Variants in OPCML observed in about 807,000 individuals in gnomAD.
OPCML encodes opioid binding protein/cell adhesion molecule like.
OPCML carries 13 observed loss-of-function variants against 37.8 expected under a neutral mutation model. The ratio of observed to expected loss-of-function variants is 0.34; its 90% CI spans 0.22 to 0.55. OPCML has a LOEUF of 0.55. OPCML is among the 20% of genes least tolerant of loss of function. The pLI, the probability that OPCML is intolerant of heterozygous loss-of-function variation, is 0.91. For synonymous variants in OPCML, 176 were observed against 168.8 expected (o/e 1.04, Z -0.33); for missense variants, 341 against 435.6 (o/e 0.78, Z 1.93).
chr11:132,965,256 T>C (rs548645696), intron 1 of OPCML, among the ~76,000 whole-genome samples: 1 of 152,262 alleles, frequency 6.6e-6, no homozygotes, highest in South Asian at 2.1e-4. Context: ...CTCTCTCTTT[T>C]TTGGGGGGAG....
chr11:132,758,041 T>C (rs1408899298), intron 2 of OPCML, among the ~76,000 whole-genome samples: 1 of 152,182 alleles, frequency 6.6e-6, no homozygotes, highest in Non-Finnish European at 1.5e-5. Flanking sequence ...CCCAACACCA[T>C]TTATTAAATA....
intron 4 of OPCML, among the ~76,000 whole-genome samples, chr11:132,437,710 C>T (rs376988075): frequency 6.6e-6 from 1 of 152,132 alleles, no homozygotes; most frequent in Non-Finnish European, 1.5e-5. Flanking sequence ...TTAAAAAGAA[C>T]TGTCATGATC....
chr11:133,178,924 G>A (rs1937688553), intron 1 of OPCML, among the ~76,000 whole-genome samples: 1 of 152,092 alleles, frequency 6.6e-6, no homozygotes, highest in Admixed American at 6.6e-5. Context: ...ATTTATGATT[G>A]TTTTCACTCG....
At chr11:132,497,910 A>T (rs570336518) in intron 4 of OPCML, among the ~76,000 whole-genome samples, 1 of 152,218 alleles carries the variant, frequency 6.6e-6, no homozygotes, top group African/African-American at 2.4e-5. Flanking sequence ...ACACTGATGC[A>T]CAGCAGTTTG....
intron 1 of OPCML, among the ~76,000 whole-genome samples, chr11:133,464,058 A>G (rs1946920963): frequency 6.9e-6 from 1 of 145,242 alleles, no homozygotes; most frequent in Admixed American, 6.6e-5. Flanking sequence ...TGTTGGGAAT[A>G]TAGATCCCAA....
chr11:133,401,005 G>T (rs71477442), intron 1 of OPCML, among the ~76,000 whole-genome samples: 1 of 152,044 alleles, frequency 6.6e-6, no homozygotes, highest in Non-Finnish European at 1.5e-5. Context: ...TGGAGAAAAG[G>T]TTATCTCATA....
chr11:132,682,824 C>T (rs1047635799), intron 2 of OPCML, among the ~76,000 whole-genome samples: 1 of 152,198 alleles, frequency 6.6e-6, no homozygotes, highest in Non-Finnish European at 1.5e-5. Flanking sequence ...ATGCGTGACC[C>T]TCTCTCACAC....
intron 1 of OPCML, among the ~76,000 whole-genome samples, chr11:133,115,217 T>A (rs1228930438): frequency 6.6e-6 from 1 of 152,162 alleles, no homozygotes; most frequent in Non-Finnish European, 1.5e-5. Flanking sequence ...CAAAGGGAAT[T>A]TACCACCTTG....
chr11:133,027,814 G>T lies in OPCML; in HGVS notation c.62-84804C>A, dbSNP rs377398032. Reference sequence around the variant, plus strand: ...GGTGTGTGTGTGTGTGGTGTCTGTGGTGGGATGTGGGGGGAGGTGGGGTGG... The same window carrying T: ...GGTGTGTGTGTGTGTGGTGTCTGTGTTGGGATGTGGGGGGAGGTGGGGTGG... On this transcript the variant is annotated intron_variant, in intron 1 of 7. Coordinates refer to ENST00000524381, the MANE Select transcript of OPCML (RefSeq NM_001012393.5). Among the ~76,000 whole-genome samples, 10 of 456 alleles carry T rather than the reference G, an allele frequency of 0.022. No homozygotes were observed. In the East Asian group the frequency reaches 0.25, roughly 11 times the overall value. 0.3% of individuals were successfully genotyped at this position (456 alleles called of 152,430 possible).
chr11:132,474,682 A>T (rs1382529755), intron 4 of OPCML, among the ~76,000 whole-genome samples: 1 of 152,120 alleles, frequency 6.6e-6, no homozygotes, highest in Non-Finnish European at 1.5e-5. Flanking sequence ...GTTGCTATCC[A>T]TCATTCATAT....
chr11:132,989,997 G>C (rs1390509304), intron 1 of OPCML, among the ~76,000 whole-genome samples: 1 of 152,196 alleles, frequency 6.6e-6, no homozygotes, highest in Non-Finnish European at 1.5e-5. Flanking sequence ...GCAAGGGTAT[G>C]TGTGGATTAG....
intron 1 of OPCML, among the ~76,000 whole-genome samples, chr11:133,311,305 A>G (rs1943062668): frequency 6.6e-6 from 1 of 152,230 alleles, no homozygotes; most frequent in African/African-American, 2.4e-5. Context: ...AGGGCAAAAG[A>G]TGTGAGTTCA....
intron 1 of OPCML, among the ~76,000 whole-genome samples, chr11:133,030,522 C>T (rs1947646633): frequency 6.6e-6 from 1 of 152,162 alleles, no homozygotes; most frequent in South Asian, 2.1e-4. Flanking sequence ...ATCCGTCTAA[C>T]AGAATCATCA....
At chr11:133,420,261 A>G (rs1945860038) in intron 1 of OPCML, 6 of 985,454 alleles carry the variant, frequency 6.1e-6, no homozygotes, top group Non-Finnish European at 7.2e-6. Flanking sequence ...TACTGATCAC[A>G]GATCCAAAGA....
At chr11:133,161,985 CTTTTTTTTTTTTT>C (rs553617547) in intron 1 of OPCML, among the ~76,000 whole-genome samples, 3 of 85,482 alleles carry the variant, frequency 3.5e-5, no homozygotes, top group African/African-American at 4.6e-5. Flanking sequence ...CAGTCTCTGT[CTTTTTTTTTTTTT>C]TTTTTTTTTT....
At chr11:132,888,663 T>C (rs973462903) in intron 2 of OPCML, among the ~76,000 whole-genome samples, 1 of 152,196 alleles carries the variant, frequency 6.6e-6, no homozygotes, top group Non-Finnish European at 1.5e-5. Flanking sequence ...TGGCTCTTTC[T>C]CAGTCTCCCC....
chr11:133,033,161 TC>T (rs1947705411), intron 1 of OPCML, among the ~76,000 whole-genome samples: 1 of 152,216 alleles, frequency 6.6e-6, no homozygotes, highest in Non-Finnish European at 1.5e-5. Flanking sequence ...CAGTCTGGGT[TC>T]CATTGCCTGC....
chr11:132,978,014 T>C (rs929914840), intron 1 of OPCML, among the ~76,000 whole-genome samples: 5 of 152,094 alleles, frequency 3.3e-5, no homozygotes, highest in African/African-American at 1.2e-4. Flanking sequence ...AAATGGTTTG[T>C]GGACTTGGGA....
intron 2 of OPCML, among the ~76,000 whole-genome samples, chr11:132,901,742 T>C (rs1944070408): frequency 6.6e-6 from 1 of 152,120 alleles, no homozygotes; most frequent in Non-Finnish European, 1.5e-5. Flanking sequence ...GAATCATCAG[T>C]AGTAGTGAAA....
Sources: gnomAD v4.1 joint callset for allele counts (sites outside exome capture counted in the v4.1 genomes callset) on GRCh38, gnomAD v4.1.1 for gene constraint, MANE v1.5 for transcripts, NCBI Gene and HGNC (gene_info 2026-07-23, HGNC 2026-07-21) for gene names.